STS: variants seen among roughly 807,000 people sequenced by gnomAD.
STS encodes steroid sulfatase.
A neutral mutation model predicts 26.8 loss-of-function variants in STS; 7 were observed. The ratio of observed to expected loss-of-function variants is 0.26; its 90% CI spans 0.15 to 0.49. The LOEUF (loss-of-function observed/expected upper bound fraction) is 0.49, where lower values mean the gene tolerates loss of function less well. STS is among the 20% of genes least tolerant of loss of function. STS has a pLI of 0.98. For synonymous variants in STS, 199 were observed against 189.4 expected, an observed-to-expected ratio of 1.05 and a Z score of -0.42; for missense variants, 434 against 465.6, an observed-to-expected ratio of 0.93 and a Z score of 0.63.
intron 2 of STS, among the ~76,000 whole-genome samples, chrX:7,211,535 G>A (rs374193815): frequency 3.1e-4 from 35 of 111,997 alleles, no homozygotes; most frequent in East Asian, 1.4e-3. Context: ...ATCTCTGTCC[G>A]ACTTCTGGCC....
chrX:7,237,213 CAAA>C (rs59873673), intron 2 of STS, among the ~76,000 whole-genome samples: 1 of 78,261 alleles, frequency 1.3e-5, no homozygotes, highest in Non-Finnish European at 2.5e-5. Flanking sequence ...AAGATTTGCT[CAAA>C]AAAAAAAAAA....
At chrX:7,270,980 T>TTTC (rs746524227) in intron 6 of STS, among the ~76,000 whole-genome samples, 6 of 105,403 alleles carry the variant, frequency 5.7e-5, no homozygotes, top group East Asian at 3.1e-4. Flanking sequence ...TGGATGTCTC[T>TTTC]TTCTTCTTCT....
intron 2 of STS, among the ~76,000 whole-genome samples, chrX:7,248,414 A>G (rs1922987599): frequency 8.9e-6 from 1 of 111,964 alleles, no homozygotes. Context: ...GGTGATGGCA[A>G]AAGTACAACA....
At chrX:7,296,757 G>T (rs1424634559) in intron 7 of STS, among the ~76,000 whole-genome samples, 1 of 112,301 alleles carries the variant, frequency 8.9e-6, no homozygotes, top group African/African-American at 3.2e-5. Flanking sequence ...GAAAATAGTG[G>T]AGTAGATCCG....
chrX:7,150,687 A>G (rs1932994592), intron 1 of STS, among the ~76,000 whole-genome samples: 1 of 110,311 alleles, frequency 9.1e-6, no homozygotes, highest in Non-Finnish European at 1.9e-5. Context: ...CTTATTTTCT[A>G]CACTTTTCAG....
rs1289116092 is a variant in STS at position 7,218,936 on chromosome X, G to A, written c.-5+27928G>A. Reference sequence around the variant, plus strand: ...GATATGTTGTGGTTATAAGATCAACGATTGCCAAAAAGCTCACTTGAGGGT... The same window carrying A: ...GATATGTTGTGGTTATAAGATCAACAATTGCCAAAAAGCTCACTTGAGGGT... On this transcript the variant is annotated intron_variant, in intron 2 of 10. Transcript: ENST00000674429. 5.4e-5 allele frequency among the ~76,000 whole-genome samples: 6 copies of A among 111,062 alleles called. No homozygotes were observed. The South Asian group carries it at 2.0e-3, about 37-fold the overall frequency.
At chrX:7,197,763 C>G (rs1456855720) in intron 2 of STS, among the ~76,000 whole-genome samples, 3 of 111,214 alleles carry the variant, frequency 2.7e-5, no homozygotes, top group African/African-American at 3.3e-5. Context: ...CTAGGAACAC[C>G]TAACTTTCTG....
chrX:7,295,084 A>AT (rs761800524), intron 7 of STS, among the ~76,000 whole-genome samples: 2 of 112,058 alleles, frequency 1.8e-5, no homozygotes, highest in Non-Finnish European at 3.8e-5. Flanking sequence ...AATTTTGCTA[A>AT]TTAAGTCTTT....
intron 7 of STS, among the ~76,000 whole-genome samples, chrX:7,287,892 T>A (rs2147120315): frequency 9.0e-6 from 1 of 110,701 alleles, no homozygotes; most frequent in Non-Finnish European, 1.9e-5. Context: ...CCATTGATAA[T>A]CAATGAGAAC....
intron 7 of STS, among the ~76,000 whole-genome samples, chrX:7,277,626 A>G (rs2147108585): frequency 9.0e-6 from 1 of 111,703 alleles, no homozygotes; most frequent in East Asian, 2.8e-4. Flanking sequence ...AAATTAGGCG[A>G]GTTCTGAGGT....
At chrX:7,234,590 C>T (rs1423006524) in intron 2 of STS, among the ~76,000 whole-genome samples, 2 of 111,985 alleles carry the variant, frequency 1.8e-5, no homozygotes, top group Non-Finnish European at 3.8e-5. Context: ...GCTCTGGCCT[C>T]TTAGCTCACT....
chrX:7,149,576 C>T (rs1440905933), intron 1 of STS, among the ~76,000 whole-genome samples: 3 of 111,998 alleles, frequency 2.7e-5, no homozygotes, highest in Non-Finnish European at 5.6e-5. Context: ...TAGGGACTTG[C>T]GCCTCAAATA....
chrX:7,298,300 G>A (rs5979331), intron 7 of STS, among the ~76,000 whole-genome samples: 1 of 110,413 alleles, frequency 9.1e-6, no homozygotes, highest in Non-Finnish European at 1.9e-5. Context: ...TAAACTTTTA[G>A]ATTTGATTTT....
chrX:7,313,909 C>T (rs187411954), intron 8 of STS, among the ~76,000 whole-genome samples: 14 of 111,629 alleles, frequency 1.3e-4, no homozygotes, highest in African/African-American at 3.9e-4. Flanking sequence ...GGCAGTTAGC[C>T]CAACTTGGGA....
At chrX:7,222,984 T>G (rs1921640384) in intron 2 of STS, among the ~76,000 whole-genome samples, 1 of 112,165 alleles carries the variant, frequency 8.9e-6, no homozygotes, top group East Asian at 2.8e-4. Flanking sequence ...AGCACCCACT[T>G]ATAAGTGACA....
chrX:7,229,895 G>A (rs2147058441), intron 2 of STS, among the ~76,000 whole-genome samples: 1 of 108,845 alleles, frequency 9.2e-6, no homozygotes, highest in East Asian at 2.9e-4. Flanking sequence ...TCGGGGGGCG[G>A]GGGGACAGGG....
Position 7,286,125 on chromosome X carries a change from A to C in STS, c.943+10038A>C, listed in dbSNP as rs1925121166. Among the ~76,000 whole-genome samples, 3 of 111,960 alleles carry C rather than the reference A, an allele frequency of 2.7e-5. No individual in the cohort carries two copies. In the South Asian group the frequency reaches 1.1e-3, roughly 41 times the overall value. On this transcript the variant is annotated intron_variant, in intron 7 of 10. Coordinates refer to ENST00000674429, the MANE Select transcript of STS (RefSeq NM_001320752.2). ...AATGTCTTTCAAAAGGCTTTAGGTT[A>C]TCTGTGTGTGTGTGTATGTATGTGT...
chrX:7,152,895 G>A (rs1165263653), intron 1 of STS, among the ~76,000 whole-genome samples: 5 of 112,510 alleles, frequency 4.4e-5, no homozygotes, highest in Non-Finnish European at 9.4e-5. Context: ...AGAAATTCCA[G>A]CATCAGCTTT....
At chrX:7,177,180 A>C (rs1933587691) in intron 1 of STS, among the ~76,000 whole-genome samples, 1 of 110,945 alleles carries the variant, frequency 9.0e-6, no homozygotes, top group Non-Finnish European at 1.9e-5. Context: ...AGGGTACTAG[A>C]ATGTGGACAC....
Sources: gnomAD v4.1 joint callset for allele counts (sites outside exome capture counted in the v4.1 genomes callset) on GRCh38, gnomAD v4.1.1 for gene constraint, MANE v1.5 for transcripts, NCBI Gene and HGNC (gene_info 2026-07-23, HGNC 2026-07-21) for gene names.